STRA6: variants seen among roughly 807,000 people sequenced by gnomAD.
The protein encoded by STRA6 is receptor for retinol uptake STRA6.
STRA6 carries 48 observed loss-of-function variants against 83.6 expected under a neutral mutation model. That is an observed-to-expected ratio of 0.57 (90% confidence interval 0.46 to 0.73). The LOEUF (loss-of-function observed/expected upper bound fraction) is 0.73. Ranked by LOEUF, STRA6 falls within the 30% of genes least tolerant of loss-of-function variation. The pLI, the probability that STRA6 is intolerant of heterozygous loss-of-function variation, is 0.00. For missense variants in STRA6, 760 were observed against 838.8 expected (o/e 0.91, Z 1.16); for synonymous variants, 353 against 362.3 (o/e 0.97, Z 0.29).
chr15:74,180,182 G>T lies in STRA6; in HGVS notation c.1902C>A (p.Arg634=), dbSNP rs551686188. The part of the protein sequence containing the change: ...MAKGARPGAS[R]GRARWGLAYT... Reference sequence around the variant, plus strand: ...AGGCCAGACCCCAGCGAGCCCTGCCGCGGCTGGCCCCGGGCCTAGCTCCCT... The same window carrying T: ...AGGCCAGACCCCAGCGAGCCCTGCCTCGGCTGGCCCCGGGCCTAGCTCCCT... The change falls in exon 19 of 19, where the codon CGC becomes CGA. Residue 634 remains arginine (R), a synonymous_variant. Transcript: ENST00000395105. 3.1e-6 allele frequency: 5 copies of T among 1,614,028 alleles called. No homozygotes were observed. The highest frequency in any genetic ancestry group is 3.3e-5 in the Admixed American group (2 of 60,026).
chr15:74,209,534 G>T (rs1214374354), upstream of STRA6: 52 of 1,186,436 alleles, frequency 4.4e-5, no homozygotes, highest in South Asian at 4.7e-4. Flanking sequence ...TGGAATTCCA[G>T]GTATGATCTA....
chr15:74,199,778 T>C (rs2142072042), intron 2 of STRA6, among the ~76,000 whole-genome samples: 1 of 152,272 alleles, frequency 6.6e-6, no homozygotes, highest in Middle Eastern at 3.4e-3. Context: ...CCACTTTTTG[T>C]GCCATGGGAC....
chr15:74,190,418 T>C (rs529180561), intron 11 of STRA6, among the ~76,000 whole-genome samples: 1 of 148,876 alleles, frequency 6.7e-6, no homozygotes, highest in East Asian at 1.9e-4. Flanking sequence ...TTGTTGGTTT[T>C]TTCGGGGTTT....
At chr15:74,185,152 CCCCCTGCCCCAAACTGAACT>C in intron 12 of STRA6, 97 bp from the exon 13 acceptor site, 1 of 1,200,110 alleles carries the variant, frequency 8.3e-7, no homozygotes. Context: ...GTGGGGAGTT[CCCCCTGCCCCAAACTGAACT>C]CTGTGTGGAA....
intron 16 of STRA6, 145 bp from the exon 17 acceptor site, chr15:74,181,603 G>A (rs1404588551): frequency 1.1e-5 from 13 of 1,161,966 alleles, no homozygotes; most frequent in Non-Finnish European, 2.5e-6. Flanking sequence ...CCCACCCTGG[G>A]CAAGGCCTTC....
intron 12 of STRA6, among the ~76,000 whole-genome samples, chr15:74,185,664 A>G (rs1027426640): frequency 1.3e-5 from 2 of 152,216 alleles, no homozygotes; most frequent in Non-Finnish European, 2.9e-5. Context: ...TGTCATGAAC[A>G]AGCCTGGGTG....
chr15:74,185,447 G>A (rs138988475), intron 12 of STRA6, among the ~76,000 whole-genome samples: 125 of 152,304 alleles, frequency 8.2e-4, no homozygotes, highest in Admixed American at 2.2e-3. Context: ...TGAACATACC[G>A]CACGCCGTTA....
intron 16 of STRA6, among the ~76,000 whole-genome samples, chr15:74,181,891 A>G (rs558977377): frequency 6.6e-6 from 1 of 152,308 alleles, no homozygotes; most frequent in South Asian, 2.1e-4. Flanking sequence ...AAGGAAACAG[A>G]GGATCCAGGG....
At chr15:74,187,445 G>A (rs1452380387) in intron 12 of STRA6, among the ~76,000 whole-genome samples, 1 of 151,998 alleles carries the variant, frequency 6.6e-6, no homozygotes, top group Non-Finnish European at 1.5e-5. Context: ...GGGAAATTGA[G>A]GTCAGGAGAG....
chr15:74,190,422 G>A (rs932800142), intron 11 of STRA6, among the ~76,000 whole-genome samples: 33 of 147,346 alleles, frequency 2.2e-4, no homozygotes, highest in African/African-American at 7.2e-4. Context: ...TGGTTTTTTC[G>A]GGGTTTTTTT....
chr15:74,208,829 C>CTTG, exon 1 of STRA6: 1 of 989,268 alleles, frequency 1.0e-6, no homozygotes, highest in Non-Finnish European at 1.2e-6. Context: ...TGACCTCTCC[C>CTTG]TTCCTTGTCT....
intron 5 of STRA6, 50 bp from the exon 6 acceptor site, chr15:74,195,725 G>T (rs1311998995): frequency 9.8e-7 from 1 of 1,018,856 alleles, no homozygotes; most frequent in Admixed American, 2.0e-5. Flanking sequence ...AAATGAGAAG[G>T]TGGATATATA....
At position 74,195,737 on chromosome 15, in the gene STRA6, T is replaced by A. The variant is rs959093320; in HGVS notation, c.407-62A>T. 4.2e-6 allele frequency: 4 copies of A among 957,060 alleles called. No individual in the cohort carries two copies. In the African/African-American group the frequency reaches 4.9e-5, roughly 12 times the overall value. The allele number at this position is 957,060 out of a possible 1,614,324, so 59.3% of individuals were successfully genotyped here. ...GCAAAATGAGAAGGTGGATATATAA[T>A]GCTTAGCATGGTGCCTGAGCAAATA... On this transcript the variant is annotated intron_variant, in intron 5 of 18. Coordinates refer to ENST00000395105, the MANE Select transcript of STRA6 (RefSeq NM_022369.4).
At chr15:74,194,597 A>G in intron 7 of STRA6, 1 of 524,114 alleles carries the variant, frequency 1.9e-6, no homozygotes, top group Non-Finnish European at 2.9e-6. Context: ...ACCTGGCATC[A>G]TTTTGTTTGC....
intron 10 of STRA6, 77 bp from the exon 11 acceptor site, chr15:74,190,978 A>G: frequency 1.9e-6 from 3 of 1,603,704 alleles, no homozygotes; most frequent in Non-Finnish European, 2.6e-6. Flanking sequence ...CAAGGGGCCC[A>G]GGAAAAGGGC....
intron 11 of STRA6, among the ~76,000 whole-genome samples, chr15:74,189,759 G>A (rs868514084): frequency 1.3e-5 from 2 of 151,664 alleles, no homozygotes; most frequent in Admixed American, 1.3e-4. Flanking sequence ...CACCTCCCAG[G>A]TTCAAGCAAT....
chr15:74,196,916 G>T (rs2073847070), intron 4 of STRA6, among the ~76,000 whole-genome samples: 1 of 152,224 alleles, frequency 6.6e-6, no homozygotes, highest in Non-Finnish European at 1.5e-5. Context: ...GGAGAAGAAA[G>T]CTCCAGCTAT....
intron 14 of STRA6, 60 bp from the exon 15 acceptor site, chr15:74,182,520 C>T (rs2073048332): frequency 7.1e-7 from 1 of 1,415,950 alleles, no homozygotes. Flanking sequence ...CTGGCCATCC[C>T]CGCTGCCCCC....
chr15:74,208,224 G>A (rs952039665), intron 1 of STRA6, among the ~76,000 whole-genome samples: 11 of 152,124 alleles, frequency 7.2e-5, no homozygotes, highest in African/African-American at 1.7e-4. Context: ...TAGCCTTCTA[G>A]AGTAGTGAGG....
Sources: gnomAD v4.1 joint callset for allele counts (sites outside exome capture counted in the v4.1 genomes callset) on GRCh38, gnomAD v4.1.1 for gene constraint, MANE v1.5 for transcripts, NCBI Gene and HGNC (gene_info 2026-07-23, HGNC 2026-07-21) for gene names.